The following BTBD9 variants were observed in gnomAD, a reference collection of about 807,000 sequenced individuals.
The protein encoded by BTBD9 is BTB/POZ domain-containing protein 9.
Under a neutral mutation model 64.3 loss-of-function variants are expected in BTBD9, and 49 were observed. The ratio of observed to expected loss-of-function variants is 0.76; its 90% CI spans 0.61 to 0.97. The LOEUF is 0.97. BTBD9 is among the 50% of genes least tolerant of loss of function. BTBD9 has a pLI of 0.00. For missense variants in BTBD9, 598 were observed against 762.1 expected, an observed-to-expected ratio of 0.78 and a Z score of 2.53; for synonymous variants, 260 against 274.7, an observed-to-expected ratio of 0.95 and a Z score of 0.53.
intron 6 of BTBD9, among the ~76,000 whole-genome samples, chr6:38,411,980 CATAT>C (rs1767449114): frequency 6.6e-6 from 1 of 151,938 alleles, no homozygotes; most frequent in African/African-American, 2.4e-5. Context: ...CACACACATA[CATAT>C]ATATGTACAC....
At chr6:38,456,686 T>C (rs1440347810) in intron 6 of BTBD9, among the ~76,000 whole-genome samples, 2 of 152,178 alleles carry the variant, frequency 1.3e-5, no homozygotes, top group Non-Finnish European at 2.9e-5. Context: ...TGCCCTCTTT[T>C]CTTAAAAAAA....
chr6:38,432,715 C>T lies in BTBD9; in HGVS notation c.1155-87622G>A, dbSNP rs116749730. Among the ~76,000 whole-genome samples the T allele has an allele frequency of 1.9e-3, 283 of 152,052 alleles. 3 individuals are homozygous for T. The highest frequency in any genetic ancestry group is 6.4e-3 in the African/African-American group (263 of 41,308). On this transcript the variant is annotated intron_variant, in intron 6 of 10. Coordinates refer to ENST00000481247, the MANE Select transcript of BTBD9 (RefSeq NM_001099272.2). The stretch of plus-strand genomic sequence containing the variant: ...ATGATTCAACAGGTCCTGTGGCACA[C>T]ACCCTCCCCACCTAGAGGCAGATTC...
intron 6 of BTBD9, among the ~76,000 whole-genome samples, chr6:38,508,275 A>C (rs1393952843): frequency 6.6e-6 from 1 of 151,942 alleles, no homozygotes; most frequent in African/African-American, 2.4e-5. Context: ...TTCCTCTGTC[A>C]AATTTGCCTT....
chr6:38,451,924 T>C (rs1464639481), intron 6 of BTBD9, among the ~76,000 whole-genome samples: 1 of 152,134 alleles, frequency 6.6e-6, no homozygotes, highest in Non-Finnish European at 1.5e-5. Flanking sequence ...AATGTGAGCA[T>C]CTTAAGAACT....
chr6:38,581,635 G>T (rs1372780322), intron 4 of BTBD9, among the ~76,000 whole-genome samples: 1 of 152,128 alleles, frequency 6.6e-6, no homozygotes, highest in Admixed American at 6.5e-5. Context: ...GGAAAGACAA[G>T]AGGCTGCAGA....
At chr6:38,370,457 C>CATTACTATAG (rs1203332342) in intron 6 of BTBD9, among the ~76,000 whole-genome samples, 1 of 152,190 alleles carries the variant, frequency 6.6e-6, no homozygotes, top group African/African-American at 2.4e-5. Flanking sequence ...TTCCCATGGT[C>CATTACTATAG]ATTACTATAG....
chr6:38,382,671 G>A (rs991757457), intron 6 of BTBD9, among the ~76,000 whole-genome samples: 1 of 151,984 alleles, frequency 6.6e-6, no homozygotes, highest in African/African-American at 2.4e-5. Flanking sequence ...CAAAATTTAA[G>A]AAAGATGGAT....
intron 6 of BTBD9, among the ~76,000 whole-genome samples, chr6:38,419,099 A>G (rs1562158401): frequency 6.6e-6 from 1 of 152,252 alleles, no homozygotes; most frequent in Non-Finnish European, 1.5e-5. Context: ...GTGTGTTTGT[A>G]TTTAAGGAAA....
chr6:38,509,340 A>G (rs1298971886), intron 6 of BTBD9, among the ~76,000 whole-genome samples: 3 of 152,242 alleles, frequency 2.0e-5, no homozygotes, highest in Non-Finnish European at 4.4e-5. Context: ...TGCTACTGCT[A>G]AACAATGTTC....
At chr6:38,559,528 A>C (rs961736979) in intron 6 of BTBD9, among the ~76,000 whole-genome samples, 2 of 152,222 alleles carry the variant, frequency 1.3e-5, no homozygotes, top group Non-Finnish European at 2.9e-5. Context: ...ACTCAATGCT[A>C]TTCCTATCAA....
chr6:38,312,528 G>A (rs1257160840), intron 7 of BTBD9, among the ~76,000 whole-genome samples: 1 of 152,108 alleles, frequency 6.6e-6, no homozygotes, highest in Non-Finnish European at 1.5e-5. Context: ...TACTAGCTTT[G>A]TAGTTTGAGA....
intron 7 of BTBD9, among the ~76,000 whole-genome samples, chr6:38,303,442 C>T (rs1055102303): frequency 2.0e-5 from 3 of 152,082 alleles, no homozygotes; most frequent in African/African-American, 4.8e-5. Flanking sequence ...AAGTTTCACA[C>T]ATCTTAACAC....
chr6:38,261,305 C>T (rs1221746152), intron 8 of BTBD9, among the ~76,000 whole-genome samples: 1 of 152,098 alleles, frequency 6.6e-6, no homozygotes, highest in Non-Finnish European at 1.5e-5. Context: ...AGTGAAACTC[C>T]TGGAACAGGG....
rs1776943792 is a variant in BTBD9, at chr6:38,594,258, TGCA to T, written c.252_254del (p.Ala85del). 6.2e-7 allele frequency: 1 copy of T among 1,614,232 alleles called. No homozygotes were observed. The highest frequency in any genetic ancestry group is 1.3e-5 in the African/African-American group (1 of 75,072). On this transcript the variant is annotated inframe_deletion, in exon 3 of 11. Transcript: ENST00000481247. ...ATTTGAGTAGCATTGTGAATGCTTCTGCAGTGGTGTCTTGGAGAGGAATTTCTG... is the reference window on the plus strand; with the variant it reads ...ATTTGAGTAGCATTGTGAATGCTTCTGTGGTGTCTTGGAGAGGAATTTCTG...
intron 9 of BTBD9, among the ~76,000 whole-genome samples, chr6:38,244,616 CT>C (rs1364951850): frequency 1.3e-5 from 2 of 152,088 alleles, no homozygotes; most frequent in African/African-American, 4.8e-5. Context: ...CACTTGGCCC[CT>C]CCATAAAAAT....
intron 6 of BTBD9, among the ~76,000 whole-genome samples, chr6:38,525,065 C>G (rs1773424513): frequency 6.6e-6 from 1 of 152,132 alleles, no homozygotes; most frequent in South Asian, 2.1e-4. Flanking sequence ...TGGGGGATAT[C>G]ATGATGGCAC....
chr6:38,255,045 G>A (rs1285877816), intron 9 of BTBD9, among the ~76,000 whole-genome samples: 2 of 152,304 alleles, frequency 1.3e-5, no homozygotes, highest in Middle Eastern at 3.4e-3. Flanking sequence ...ATAAACAAAT[G>A]TGGTATATGC....
chr6:38,390,634 AC>A (rs1766368940), intron 6 of BTBD9, among the ~76,000 whole-genome samples: 1 of 152,074 alleles, frequency 6.6e-6, no homozygotes, highest in Non-Finnish European at 1.5e-5. Flanking sequence ...CCTAGACAAT[AC>A]CCCCAAATTC....
At chr6:38,339,371 G>A (rs1440717855) in intron 7 of BTBD9, among the ~76,000 whole-genome samples, 2 of 152,160 alleles carry the variant, frequency 1.3e-5, no homozygotes, top group African/African-American at 2.4e-5. Flanking sequence ...GAAACCAAGT[G>A]TGGTGGTATG....
Sources: allele counts gnomAD v4.1 joint callset (sites outside exome capture counted in the v4.1 genomes callset), GRCh38; gene constraint gnomAD v4.1.1; transcripts MANE v1.5; gene names NCBI Gene and HGNC (gene_info 2026-07-23, HGNC 2026-07-21).